Variants in MYBPC1 observed in about 807,000 individuals in gnomAD.
The protein encoded by MYBPC1 is myosin binding protein C1, also known as myosin-binding protein C, slow-type.
In MYBPC1, 52 loss-of-function variants were observed where a neutral mutation model predicts 147.1. That is an observed-to-expected ratio of 0.35 (90% CI 0.28 to 0.45). The LOEUF is 0.45. MYBPC1 is among the 20% of genes least tolerant of loss of function. The pLI is 1.00. For synonymous variants in MYBPC1, 477 were observed against 475.9 expected (o/e 1.00, Z -0.03); for missense variants, 1,228 against 1,440.3 (o/e 0.85, Z 2.39).
chr12:101,656,488 G>A (rs1895562690), intron 18 of MYBPC1, among the ~76,000 whole-genome samples: 1 of 143,376 alleles, frequency 7.0e-6, no homozygotes, highest in Non-Finnish European at 1.6e-5. Flanking sequence ...ATCCATTAAA[G>A]TATAGGGAGA....
At chr12:101,631,761 T>A in intron 7 of MYBPC1, 42 bp downstream of exon 7, 1 of 1,612,696 alleles carries the variant, frequency 6.2e-7, no homozygotes, top group Non-Finnish European at 8.5e-7. Context: ...AGCTAGCGCA[T>A]TCCTTCTATG....
At chr12:101,608,314 T>A (rs576786970) in intron 1 of MYBPC1, among the ~76,000 whole-genome samples, 15 of 152,328 alleles carry the variant, frequency 9.8e-5, no homozygotes, top group African/African-American at 3.4e-4. Flanking sequence ...CTTGGGCTTA[T>A]TTTTTTCAAA....
chr12:101,658,757 G>T (rs2136398351), intron 18 of MYBPC1, among the ~76,000 whole-genome samples: 1 of 152,270 alleles, frequency 6.6e-6, no homozygotes, highest in East Asian at 1.9e-4. Flanking sequence ...AGGAAATTTT[G>T]TTCTATTACA....
intron 18 of MYBPC1, among the ~76,000 whole-genome samples, 159 bp downstream of exon 18, chr12:101,653,407 G>A (rs1435888364): frequency 6.6e-6 from 1 of 152,068 alleles, no homozygotes; most frequent in Admixed American, 6.5e-5. Flanking sequence ...AAAGATGACT[G>A]ATTTTCAGGC....
chr12:101,608,789 C>G (rs191861691), intron 1 of MYBPC1, among the ~76,000 whole-genome samples: 1 of 152,242 alleles, frequency 6.6e-6, no homozygotes, highest in Non-Finnish European at 1.5e-5. Context: ...TAATTGCTCT[C>G]CTGCCCTTGT....
chr12:101,685,613 A>G lies in MYBPC1; in HGVS notation c.*51A>G, dbSNP rs1951307219. ...TCTCCTTCTGCAGACTCCTCTTGCA[A>G]GGCGTACCTCCAAACATAATTGATT... is the stretch of plus-strand genomic sequence containing the variant. On this transcript the variant is annotated 3_prime_UTR_variant, in exon 32 of 32. Transcript: ENST00000361466. 3 of 1,534,730 alleles carry G rather than the reference A, an allele frequency of 2.0e-6. No individual in the cohort carries two copies. Among genetic ancestry groups the G allele is most frequent in the Non-Finnish European group, 1.7e-6 (2 of 1,145,776 alleles).
intron 19 of MYBPC1, 95 bp from the exon 20 acceptor site, chr12:101,661,063 C>A (rs1896462374): frequency 2.6e-6 from 2 of 773,052 alleles, no homozygotes; most frequent in South Asian, 3.1e-5. Context: ...ATAACAGTTT[C>A]AATGATTATC....
At chr12:101,629,873 C>CA (rs766733246) in intron 6 of MYBPC1, among the ~76,000 whole-genome samples, 88 of 135,102 alleles carry the variant, frequency 6.5e-4, no homozygotes, top group East Asian at 8.5e-4. Context: ...CCTCTGTCTC[C>CA]AAAAAAAAAA....
intron 28 of MYBPC1, 92 bp downstream of exon 28, chr12:101,678,330 A>C (rs1214930971): frequency 6.5e-7 from 1 of 1,543,672 alleles, no homozygotes; most frequent in South Asian, 1.1e-5. Flanking sequence ...TCCAGCTGCT[A>C]CTTGTGTCTT....
At chr12:101,675,608 T>A (rs1899782602) in intron 26 of MYBPC1, among the ~76,000 whole-genome samples, 177 bp downstream of exon 26, 1 of 152,222 alleles carries the variant, frequency 6.6e-6, no homozygotes, top group South Asian at 2.1e-4. Flanking sequence ...ACCCCAGCAT[T>A]GCTACTTAAG....
chr12:101,654,488 C>T (rs765103477), intron 18 of MYBPC1, among the ~76,000 whole-genome samples: 1 of 152,058 alleles, frequency 6.6e-6, no homozygotes, highest in Non-Finnish European at 1.5e-5. Context: ...GGAAGAAAAA[C>T]CTGGACAGAA....
chr12:101,680,559 T>G, intron 29 of MYBPC1, 30 bp downstream of exon 29: 1 of 1,605,070 alleles, frequency 6.2e-7, no homozygotes. Context: ...ACGTATAGAC[T>G]AAAGTTAAAG....
At chr12:101,673,908 C>T (rs1899268807) in intron 25 of MYBPC1, among the ~76,000 whole-genome samples, 1 of 152,068 alleles carries the variant, frequency 6.6e-6, no homozygotes. Context: ...CAAAAAGTAG[C>T]TGGGCATGGT....
At chr12:101,606,301 G>A (rs1882151437) in intron 1 of MYBPC1, among the ~76,000 whole-genome samples, 1 of 151,574 alleles carries the variant, frequency 6.6e-6, no homozygotes, top group South Asian at 2.1e-4. Context: ...TGTATCCTCT[G>A]GAAAACTTCA....
At position 101,670,427 on chromosome 12, in the gene MYBPC1, G is replaced by C; in HGVS notation, c.2613+18G>C. The C allele has an allele frequency of 6.3e-7, 1 of 1,596,638 alleles. No homozygotes were observed. The highest frequency in any genetic ancestry group is 8.6e-7 in the Non-Finnish European group (1 of 1,164,110). On this transcript the variant is annotated intron_variant, in intron 24 of 31. Transcript: ENST00000361466. The stretch of plus-strand genomic sequence containing the variant: ...CTTTCCAGGTAAGAGTTCAAGGGTC[G>C]CTCTTTTTCTCTTTAGAGGGCTGGA...
At chr12:101,645,311 C>T (rs1240926120) in intron 12 of MYBPC1, among the ~76,000 whole-genome samples, 1 of 152,164 alleles carries the variant, frequency 6.6e-6, no homozygotes, top group Non-Finnish European at 1.5e-5. Context: ...AAATGTGGGT[C>T]AAAGCCTGTG....
In MYBPC1 at chr12:101,623,591, ATAAAG is replaced by A. The variant is rs1425706880; in HGVS notation, c.104-3278_104-3274del. ...AAAAGTAAACCACCACAAAACCTTTATAAAGTATTCATTTGAATCAAAATGGTTCA... is the reference window on the plus strand; with the variant it reads ...AAAAGTAAACCACCACAAAACCTTTATATTCATTTGAATCAAAATGGTTCA... On this transcript the variant is annotated intron_variant, in intron 3 of 31. Coordinates refer to ENST00000361466, the MANE Select transcript of MYBPC1 (RefSeq NM_002465.4). 2.6e-5 allele frequency among the ~76,000 whole-genome samples: 4 copies of A among 152,340 alleles called. No homozygotes were observed. In the East Asian group the frequency reaches 5.8e-4, roughly 22 times the overall value.
chr12:101,645,761 C>G (rs2136221097), intron 12 of MYBPC1, among the ~76,000 whole-genome samples: 1 of 152,288 alleles, frequency 6.6e-6, no homozygotes, highest in Non-Finnish European at 1.5e-5. Flanking sequence ...ATTTTAATCC[C>G]ATCATGTGCT....
At chr12:101,614,330 G>C (rs1456010521) in intron 1 of MYBPC1, among the ~76,000 whole-genome samples, 166 bp from the exon 2 acceptor site, 1 of 145,422 alleles carries the variant, frequency 6.9e-6, no homozygotes, top group African/African-American at 2.8e-5. Flanking sequence ...GTGTGTGAGA[G>C]AGAGAGAGAG....
Sources: allele counts gnomAD v4.1 joint callset (sites outside exome capture counted in the v4.1 genomes callset), GRCh38; gene constraint gnomAD v4.1.1; transcripts MANE v1.5; gene names NCBI Gene and HGNC (gene_info 2026-07-23, HGNC 2026-07-21).